Variants in PYCR1 observed in about 807,000 individuals in gnomAD.
The protein encoded by PYCR1 is pyrroline-5-carboxylate reductase 1, also known as pyrroline-5-carboxylate reductase 1, mitochondrial.
PYCR1 carries 19 observed loss-of-function variants against 22.9 expected under a neutral mutation model. The observed-to-expected ratio is 0.83, with a 90% confidence interval of 0.58 to 1.22. The LOEUF (loss-of-function observed/expected upper bound fraction) is 1.22, where lower values mean the gene tolerates loss of function less well. Among genes scored for constraint, PYCR1 ranks in the 50% most tolerant of loss-of-function variants. The pLI is 0.00. For synonymous variants in PYCR1, 175 were observed against 180.5 expected, an observed-to-expected ratio of 0.97 and a Z score of 0.24; for missense variants, 429 against 431.3, an observed-to-expected ratio of 0.99 and a Z score of 0.05.
Position 81,934,794 on chromosome 17 carries a change from C to T in PYCR1, c.541-49G>A, listed in dbSNP as rs185012916. The T allele has an allele frequency of 7.8e-6, 12 of 1,537,398 alleles. No homozygotes were observed. The African/African-American group carries it at 9.6e-5, about 12-fold the overall frequency. ...CCTCTCTCCTGGGCTTCTCCTCCTT[C>T]CCTTCTGGGCAAGCTCCAGTTCCCA... On this transcript the variant is annotated intron_variant, in intron 4 of 6. Transcript: ENST00000329875.
intron 2 of PYCR1, 137 bp from the exon 3 acceptor site, chr17:81,935,653 C>T: frequency 1.2e-6 from 1 of 827,792 alleles, no homozygotes; most frequent in Non-Finnish European, 2.0e-6. Flanking sequence ...GGGCTCTGAC[C>T]ACCCCCTTGA....
At position 81,933,252 on chromosome 17, in the gene PYCR1, G is replaced by C. The variant is rs556118853; in HGVS notation, c.922C>G (p.Leu308Val). 1 of 1,614,080 alleles carries C rather than the reference G, an allele frequency of 6.2e-7. No homozygotes were observed. Among genetic ancestry groups the C allele is most frequent in the African/African-American group, 1.3e-5 (1 of 75,068 alleles). ...GCTGGGGCCAGGCTGCGGGGGAGCA[G>C]CTTGGTGTGGCCAGAAGGTGACAGA... ...TALSPSGHTK[L>V]LPRSLAPAGK... Residue 308 changes from leucine (L) to valine (V), a missense_variant, in exon 7 of 7, where the codon CTG becomes GTG. By Grantham distance (32) the Leu-to-Val change is conservative. Coordinates refer to ENST00000329875, the MANE Select transcript of PYCR1 (RefSeq NM_006907.4).
Position 81,935,524 on chromosome 17 carries a change from G to T in PYCR1, c.139-8C>A. The T allele has an allele frequency of 6.2e-7, 1 of 1,601,910 alleles. No individual in the cohort carries two copies. On this transcript the variant is annotated splice_region_variant and splice_polypyrimidine_tract_variant and intron_variant, in intron 2 of 6. Coordinates refer to ENST00000329875, the MANE Select transcript of PYCR1 (RefSeq NM_006907.4). ...CAACTTCACCCCCATCTTCTGCAGG[G>T]GCAACAGGTGGGCTCAGCCTGGTCC...
rs771388430 is a variant in PYCR1, at chr17:81,935,124, G to T, written c.342C>A (p.Ala114=). The T allele has an allele frequency of 1.9e-6, 3 of 1,608,902 alleles. No individual in the cohort carries two copies. Among genetic ancestry groups the T allele is most frequent in the Non-Finnish European group, 2.5e-6 (3 of 1,179,912 alleles). ...IEKKLSAFRP[A]PRVIRCMTNT... ...TGGTCATGCAGCGGATGACCCTGGG[G>T]GCTGGCCGAAACGCTGACAGCTTCT... is the stretch of plus-strand genomic sequence containing the variant. Residue 114 remains alanine, a synonymous_variant, in exon 4 of 7, where the codon GCC becomes GCA. Transcript: ENST00000329875.
In PYCR1 at chr17:81,934,982, C is replaced by T. The variant is rs969432846; in HGVS notation, c.484G>A (p.Val162Met). The T allele has an allele frequency of 6.2e-7, 1 of 1,609,840 alleles. No homozygotes were observed. Among genetic ancestry groups the T allele is most frequent in the African/African-American group, 1.3e-5 (1 of 75,004 alleles). ...LLSSVGFCTE[V>M]EEDLIDAVTG... ...ACGGCATCAATCAGGTCCTCTTCCA[C>T]CTCCGTGCAGAAGCCCACGCTGCTC... Residue 162 changes from valine (V) to methionine (M), a missense_variant, in exon 4 of 7, where the codon GTG becomes ATG. Val to Met is a conservative substitution (Grantham distance 21). Coordinates refer to ENST00000329875, the MANE Select transcript of PYCR1 (RefSeq NM_006907.4).
chr17:81,936,231 T>TTA, intron 1 of PYCR1, 38 bp from the exon 2 acceptor site: 1 of 531,108 alleles, frequency 1.9e-6, no homozygotes, highest in Admixed American at 4.3e-5. Context: ...TTCTTTATTA[T>TTA]TTTTTTTTTT....
chr17:81,935,617 T>TGTG, intron 2 of PYCR1, 101 bp from the exon 3 acceptor site: 1 of 535,028 alleles, frequency 1.9e-6, no homozygotes, highest in African/African-American at 2.0e-5. Context: ...ATGCTGGAGT[T>TGTG]GGGGGTGGGC....
chr17:81,932,689 G>T lies in PYCR1; in HGVS notation c.*525C>A. 1.2e-6 allele frequency: 1 copy of T among 800,600 alleles called. No homozygotes were observed. The highest frequency in any genetic ancestry group is 2.5e-5 in the Admixed American group (1 of 40,182). 49.6% of individuals were successfully genotyped at this position (800,600 alleles called of 1,614,324 possible). A position where few individuals can be genotyped will look rare whatever the true frequency, so the allele number is the denominator to read the frequency against. On this transcript the variant is annotated 3_prime_UTR_variant, in exon 7 of 7. Transcript: ENST00000329875. ...AGGAGCCCTTTCCCCAAATGTCCAT[G>T]GGATCTGCGTGCTTGGCAGCCAAGA...
rs1185798099 is a variant in PYCR1, at chr17:81,933,160, C to T, written c.*54G>A. On this transcript the variant is annotated 3_prime_UTR_variant, in exon 7 of 7. Transcript: ENST00000329875. ...GCCACTTTGGGGACCCCCTAGTCCC[C>T]CTAGTGACAAGAGAAGAGAAGGTGG... The T allele has an allele frequency of 4.3e-6, 7 of 1,611,078 alleles. No individual in the cohort carries two copies.
chr17:81,934,079 A>C, intron 6 of PYCR1: 1 of 587,246 alleles, frequency 1.7e-6, no homozygotes, highest in Non-Finnish European at 3.1e-6. Flanking sequence ...TGGTGAACCT[A>C]TGTGGGGAGC....
Position 81,937,238 on chromosome 17 carries a change from C to A in PYCR1, c.-424G>T. On this transcript the variant is annotated 5_prime_UTR_variant, in exon 1 of 7. Transcript: ENST00000329875. ...TTCCCGGAGCCCGACCCCAACCCAG[C>A]TACCGTGCGCGGGTCGTACCCACCC... 1.4e-6 allele frequency: 2 copies of A among 1,424,130 alleles called. No homozygotes were observed. The highest frequency in any genetic ancestry group is 2.9e-5 in the Admixed American group (1 of 34,694). The allele number at this position is 1,424,130 out of a possible 1,614,324, so 88.2% of individuals were successfully genotyped here.
Position 81,936,260 on chromosome 17 carries a change from G to C in PYCR1, c.68-67C>G, listed in dbSNP as rs531837083. On this transcript the variant is annotated intron_variant, in intron 1 of 6. Coordinates refer to ENST00000329875, the MANE Select transcript of PYCR1 (RefSeq NM_006907.4). The stretch of plus-strand genomic sequence containing the variant: ...TTTTTTTTTGAGACGGAGTCTCGCT[G>C]TGTTGCCCAGGCTGGAGTGCAGTGG... 622 of 1,488,766 alleles carry C rather than the reference G, an allele frequency of 4.2e-4. No homozygotes were observed. In the African/African-American group the frequency reaches 8.1e-3, roughly 19 times the overall value. The allele number at this position is 1,488,766 out of a possible 1,614,324, so 92.2% of individuals were successfully genotyped here.
chr17:81,933,180 A>AGGTGGTGGCAGGAT lies in PYCR1; in HGVS notation c.*20_*33dup. 1 of 1,612,782 alleles carries AGGTGGTGGCAGGAT rather than the reference A, an allele frequency of 6.2e-7. No homozygotes were observed. The highest frequency in any genetic ancestry group is 8.5e-7 in the Non-Finnish European group (1 of 1,179,762). On this transcript the variant is annotated 3_prime_UTR_variant, in exon 7 of 7. Coordinates refer to ENST00000329875, the MANE Select transcript of PYCR1 (RefSeq NM_006907.4). ...GTCCCCCTAGTGACAAGAGAAGAGA[A>AGGTGGTGGCAGGAT]GGTGGTGGCAGGATGGTGGTCAGGC... is the stretch of plus-strand genomic sequence containing the variant.
intron 3 of PYCR1, 52 bp downstream of exon 3, chr17:81,935,285 G>T: frequency 6.2e-7 from 1 of 1,603,380 alleles, no homozygotes. Flanking sequence ...AGTACTGAGG[G>T]CCCGGGCTCT....
chr17:81,936,079 C>A, intron 2 of PYCR1, 44 bp downstream of exon 2: 1 of 1,603,986 alleles, frequency 6.2e-7, no homozygotes, highest in South Asian at 1.1e-5. Context: ...CACACCCAGC[C>A]CCACAGGGAC....
rs966497358 is a variant in PYCR1 at position 81,936,920 on chromosome 17, G to T, written c.-106C>A. 1.3e-6 allele frequency: 2 copies of T among 1,537,942 alleles called. No homozygotes were observed. The highest frequency in any genetic ancestry group is 2.7e-5 in the African/African-American group (2 of 72,990). ...TTAGGGGGGCAGTGCCAGCCTGGCC[G>T]CTCCTCCCGCAGCCGGGTGCCCACC... On this transcript the variant is annotated 5_prime_UTR_variant, in exon 1 of 7. Coordinates refer to ENST00000329875, the MANE Select transcript of PYCR1 (RefSeq NM_006907.4).
chr17:81,935,603 GAGAA>G, intron 2 of PYCR1, 87 bp from the exon 3 acceptor site: 1 of 866,602 alleles, frequency 1.2e-6, no homozygotes, highest in Non-Finnish European at 1.7e-6. Flanking sequence ...GAATGGCACA[GAGAA>G]TGCTGGAGTT....
At chr17:81,936,060 C>T in intron 2 of PYCR1, 63 bp downstream of exon 2, 1 of 1,579,800 alleles carries the variant, frequency 6.3e-7, no homozygotes. Context: ...AGCACACACT[C>T]CTGCCTCTCA....
At chr17:81,936,251 A>G (rs994713952) in intron 1 of PYCR1, 58 bp from the exon 2 acceptor site, 4 of 1,518,608 alleles carry the variant, frequency 2.6e-6, no homozygotes, top group East Asian at 2.3e-5. Flanking sequence ...TTTGAGACGG[A>G]GTCTCGCTGT....
Sources: allele counts gnomAD v4.1 joint callset, GRCh38; gene constraint gnomAD v4.1.1; transcripts MANE v1.5; gene names NCBI Gene and HGNC (gene_info 2026-07-23, HGNC 2026-07-21).